The following RNF24 variants were observed in gnomAD, a reference collection of about 807,000 sequenced individuals.
RNF24 encodes ring finger protein 24.
RNF24 carries 14 observed loss-of-function variants against 20.0 expected under a neutral mutation model. The ratio of observed to expected loss-of-function variants is 0.70; its 90% confidence interval spans 0.46 to 1.10. RNF24 has a LOEUF of 1.10. Among genes scored for constraint, RNF24 ranks in the 50% least tolerant of loss-of-function variants. RNF24 has a pLI of 0.00. For missense variants in RNF24, 124 were observed against 177.6 expected (o/e 0.70, Z 1.71); for synonymous variants, 45 against 61.1 (o/e 0.74, Z 1.23).
chr20:3,994,740 AG>A (rs1980725692), intron 1 of RNF24, among the ~76,000 whole-genome samples: 1 of 152,178 alleles, frequency 6.6e-6, no homozygotes, highest in Non-Finnish European at 1.5e-5. Flanking sequence ...CTTATTCTTG[AG>A]GATTCTAGAT....
intron 1 of RNF24, among the ~76,000 whole-genome samples, chr20:3,968,844 T>C (rs1052855494): frequency 1.3e-5 from 2 of 152,066 alleles, no homozygotes; most frequent in Admixed American, 6.5e-5. Context: ...ATAAGACCTA[T>C]ATTTGGACAG....
intron 1 of RNF24, among the ~76,000 whole-genome samples, chr20:4,000,938 T>C (rs926026830): frequency 1.3e-5 from 2 of 152,178 alleles, no homozygotes; most frequent in Non-Finnish European, 2.9e-5. Flanking sequence ...GCTTCTTTTT[T>C]ACCTTTATGG....
In RNF24 at chr20:3,963,920, A is replaced by G; in HGVS notation, c.98T>C (p.Ile33Thr). Residue 33 changes from isoleucine (I) to threonine (T), a missense_variant, in exon 2 of 6, where the codon ATA (isoleucine) becomes ACA (threonine). Ile to Thr is a moderately conservative substitution (Grantham distance 89). Transcript: ENST00000358395. ...GAGTAAACTAAGGATGAAGACAAAT[A>G]TAGCAGTACCAAAAACCACAATATA... ...NIYIVVFGTA[I>T]FVFILSLLFC... is the part of the protein sequence containing the mutation. 2 of 1,610,012 alleles carry G rather than the reference A, an allele frequency of 1.2e-6. No individual in the cohort carries two copies. Among genetic ancestry groups the G allele is most frequent in the South Asian group, 2.2e-5 (2 of 90,360 alleles).
At chr20:4,009,447 A>G (rs1365624521) in intron 1 of RNF24, among the ~76,000 whole-genome samples, 1 of 152,166 alleles carries the variant, frequency 6.6e-6, no homozygotes, top group East Asian at 1.9e-4. Flanking sequence ...TGAGGTATAG[A>G]AGATGTGAGG....
intron 1 of RNF24, among the ~76,000 whole-genome samples, chr20:3,997,968 T>C (rs1326245956): frequency 6.6e-6 from 1 of 152,232 alleles, no homozygotes; most frequent in Non-Finnish European, 1.5e-5. Flanking sequence ...ACGCTGGGTT[T>C]TCAAAGCTAA....
At chr20:4,002,226 A>G (rs1167939325) in intron 1 of RNF24, among the ~76,000 whole-genome samples, 2 of 151,940 alleles carry the variant, frequency 1.3e-5, no homozygotes. Context: ...TCTACTAAAA[A>G]TATAAAAAAA....
intron 1 of RNF24, among the ~76,000 whole-genome samples, chr20:4,004,937 G>GC (rs1288872386): frequency 1.3e-5 from 2 of 152,128 alleles, no homozygotes; most frequent in Non-Finnish European, 2.9e-5. Context: ...TATAGATTCT[G>GC]CCCCCTACCC....
At chr20:3,975,383 T>A (rs558494577) in intron 1 of RNF24, among the ~76,000 whole-genome samples, 2 of 152,044 alleles carry the variant, frequency 1.3e-5, no homozygotes, top group Non-Finnish European at 2.9e-5. Context: ...GCAAGGAGTA[T>A]AAAAGGAAAA....
Position 4,009,232 on chromosome 20 carries a change from T to C in RNF24, c.-8+6205A>G, listed in dbSNP as rs552014997. Among the ~76,000 whole-genome samples, 14 of 152,220 alleles carry C rather than the reference T, an allele frequency of 9.2e-5. No homozygotes were observed. The East Asian group carries it at 2.7e-3, about 29-fold the overall frequency. ...AGGAGGTAGGGAAGGCACGTAAACT[T>C]CTCTTTTGAGAGACTTAACCATGTA... On this transcript the variant is annotated intron_variant, in intron 1 of 5. Transcript: ENST00000358395.
rs919818385 is a variant in RNF24 at position 3,991,495 on chromosome 20, G to A, written c.-8+23942C>T. Reference sequence around the variant, plus strand: ...TCTCGATCTCCTAACCTCATGATCCGCCTGCCTAAGTCTCCCAAAGTACAG... The same window carrying A: ...TCTCGATCTCCTAACCTCATGATCCACCTGCCTAAGTCTCCCAAAGTACAG... On this transcript the variant is annotated intron_variant, in intron 1 of 5. Transcript: ENST00000358395. Among the ~76,000 whole-genome samples, 5 of 151,970 alleles carry A rather than the reference G, an allele frequency of 3.3e-5. No homozygotes were observed. In the East Asian group the frequency reaches 5.8e-4, roughly 18 times the overall value.
At chr20:3,938,964 G>C (rs962469853) in intron 4 of RNF24, among the ~76,000 whole-genome samples, 2 of 152,002 alleles carry the variant, frequency 1.3e-5, no homozygotes, top group Non-Finnish European at 2.9e-5. Flanking sequence ...TGTTGCCCAG[G>C]CTGGTCTCAA....
chr20:3,985,699 AT>A (rs76466197), intron 1 of RNF24, among the ~76,000 whole-genome samples: 17,378 of 131,154 alleles, frequency 0.13, 1,051 homozygotes, highest in Non-Finnish European at 0.17. Context: ...ATTCCTAGTA[AT>A]TTTTTTTTTT....
chr20:3,937,659 T>C (rs952465262), intron 4 of RNF24, among the ~76,000 whole-genome samples: 2 of 152,014 alleles, frequency 1.3e-5, no homozygotes, highest in African/African-American at 4.8e-5. Context: ...ACTTTCTTTA[T>C]TGATGGATTT....
chr20:4,004,545 G>C (rs1168543911), intron 1 of RNF24, among the ~76,000 whole-genome samples: 1 of 152,170 alleles, frequency 6.6e-6, no homozygotes, highest in Non-Finnish European at 1.5e-5. Context: ...TAAGGATCTG[G>C]AGATGAGAGC....
intron 1 of RNF24, among the ~76,000 whole-genome samples, chr20:3,977,863 C>CAAAAA (rs1244052901): frequency 2.1e-5 from 1 of 47,452 alleles, no homozygotes; most frequent in African/African-American, 8.1e-5. Flanking sequence ...GACTCCGTCT[C>CAAAAA]AAAAAAAAAA....
At chr20:3,976,623 C>A (rs1302563356) in intron 1 of RNF24, among the ~76,000 whole-genome samples, 1 of 152,140 alleles carries the variant, frequency 6.6e-6, no homozygotes, top group Non-Finnish European at 1.5e-5. Flanking sequence ...TTAGAAACAA[C>A]CCAAATATCA....
At chr20:3,986,602 T>C (rs894862960) in intron 1 of RNF24, among the ~76,000 whole-genome samples, 1 of 151,792 alleles carries the variant, frequency 6.6e-6, no homozygotes, top group Non-Finnish European at 1.5e-5. Flanking sequence ...AGAACTCAAA[T>C]TCCCTCCTGA....
intron 1 of RNF24, among the ~76,000 whole-genome samples, chr20:4,003,110 T>C (rs1981549476): frequency 6.6e-6 from 1 of 152,106 alleles, no homozygotes; most frequent in Non-Finnish European, 1.5e-5. Flanking sequence ...GCTGGGATTA[T>C]AGGCGCCTGC....
In RNF24 at chr20:4,010,619, A is replaced by G. The variant is rs1434244983; in HGVS notation, c.-8+4818T>C. Among the ~76,000 whole-genome samples the G allele has an allele frequency of 3.9e-5, 6 of 152,180 alleles. No individual in the cohort carries two copies. The East Asian group carries it at 1.2e-3, about 29-fold the overall frequency. ...TTAAAAAATGCACCTGACAGCCGTC[A>G]TGTTGGTTCATTTCACTGCTTAAAA... is the stretch of plus-strand genomic sequence containing the variant. On this transcript the variant is annotated intron_variant, in intron 1 of 5. Coordinates refer to ENST00000358395, the MANE Select transcript of RNF24 (RefSeq NM_001134337.3).
Sources: gnomAD v4.1 joint callset for allele counts (sites outside exome capture counted in the v4.1 genomes callset) on GRCh38, gnomAD v4.1.1 for gene constraint, MANE v1.5 for transcripts, NCBI Gene and HGNC (gene_info 2026-07-23, HGNC 2026-07-21) for gene names.